TARBP1: variants seen among roughly 807,000 people sequenced by gnomAD.
TARBP1 encodes the protein tRNA guanosine 2 -O-methyltransferase TARBP1.
Under a neutral mutation model 178.6 loss-of-function variants are expected in TARBP1, and 144 were observed. The observed-to-expected ratio is 0.81, with a 90% CI of 0.70 to 0.93. TARBP1 has a LOEUF of 0.93. TARBP1 is among the 40% of genes least tolerant of loss of function. The pLI is 0.00. For missense variants in TARBP1, 2,067 were observed against 2,011.7 expected, an observed-to-expected ratio of 1.03 and a Z score of -0.53; for synonymous variants, 787 against 781.0, an observed-to-expected ratio of 1.01 and a Z score of -0.13.
Position 234,463,265 on chromosome 1 carries a change from A to G in TARBP1, c.1399+572T>C, listed in dbSNP as rs149661083. Among the ~76,000 whole-genome samples, 38 of 152,278 alleles carry G rather than the reference A, an allele frequency of 2.5e-4. 1 individual carries two copies. The East Asian group carries it at 6.4e-3, about 25-fold the overall frequency. On this transcript the variant is annotated intron_variant, in intron 6 of 29. Transcript: ENST00000040877. ...CAGCCTCCCAAGTAGCTGGGACTAC[A>G]GGTACACACCATCATGCCCGGATAA...
In TARBP1 at chr1:234,393,830, A is replaced by T; in HGVS notation, c.4251T>A (p.Asn1417Lys). The change falls in exon 27 of 30, where the codon AAT becomes AAA. Residue 1417 changes from asparagine to lysine, a missense_variant. Asn to Lys is a moderately conservative substitution (Grantham distance 94). Transcript: ENST00000040877. ...CCGCTTGGTTATCTGCTTCGACCAA[A>T]TTAGTACCTGGGAAGGAAAAAGAAA... ...GDWSQQDIGT[N>K]LVEADNQAEW... 6.2e-7 allele frequency: 1 copy of T among 1,603,238 alleles called. No homozygotes were observed. The highest frequency in any genetic ancestry group is 8.5e-7 in the Non-Finnish European group (1 of 1,173,134).
chr1:234,456,369 T>G (rs1392774088), intron 9 of TARBP1, among the ~76,000 whole-genome samples: 1 of 152,158 alleles, frequency 6.6e-6, no homozygotes, highest in African/African-American at 2.4e-5. Context: ...CCCCGATAAT[T>G]TTTGTACTTT....
chr1:234,410,284 C>T (rs1164506807), intron 23 of TARBP1, 161 bp downstream of exon 23: 9 of 496,272 alleles, frequency 1.8e-5, no homozygotes, highest in Non-Finnish European at 3.3e-5. Flanking sequence ...TTCCCATTTA[C>T]TGGGTATTTG....
chr1:234,471,762 G>A (rs1338970707), intron 2 of TARBP1, among the ~76,000 whole-genome samples: 1 of 152,124 alleles, frequency 6.6e-6, no homozygotes, highest in Admixed American at 6.5e-5. Flanking sequence ...AATAATGGGG[G>A]TTTTATGGAT....
chr1:234,407,187 G>A (rs548671362), intron 23 of TARBP1: 1 of 152,282 alleles, frequency 6.6e-6, no homozygotes, highest in South Asian at 2.1e-4. Context: ...CATAGCCCTT[G>A]TTACAGTCTT....
Position 234,419,789 on chromosome 1 carries a change from C to T in TARBP1, c.3555+913G>A, listed in dbSNP as rs571058896. Among the ~76,000 whole-genome samples the T allele has an allele frequency of 5.9e-5, 9 of 152,184 alleles. No homozygotes were observed. The South Asian group carries it at 1.7e-3, about 28-fold the overall frequency. ...AGCAACCTCCCCCACCCCCCACATCCATCAAAACTACTCCCCAGAAGCAAT... is the reference window on the plus strand; with the variant it reads ...AGCAACCTCCCCCACCCCCCACATCTATCAAAACTACTCCCCAGAAGCAAT... On this transcript the variant is annotated intron_variant, in intron 21 of 29. Coordinates refer to ENST00000040877, the MANE Select transcript of TARBP1 (RefSeq NM_005646.4).
rs60079444 is a variant in TARBP1, at chr1:234,467,576, A to T, written c.1174T>A (p.Ser392Thr). 0.066 allele frequency: 105,760 copies of T among 1,608,260 alleles called. 7,698 individuals are homozygous for T. The highest frequency in any genetic ancestry group is 0.32 in the East Asian group (14,150 of 44,318). ...RMFESENKIL[S>T]KEGVIHFLEL... ...AAAAAATGGATAACACCTTCTTTGG[A>T]CAGGATTTTGTTTTCACTTTCAAAC... The change falls in exon 4 of 30, where the codon TCC becomes ACC. Residue 392 changes from serine (S) to threonine (T), a missense_variant. Ser to Thr is a moderately conservative substitution (Grantham distance 58, BLOSUM62 1). Coordinates refer to ENST00000040877, the MANE Select transcript of TARBP1 (RefSeq NM_005646.4).
Position 234,478,538 on chromosome 1 carries a change from G to A in TARBP1, c.566C>T (p.Ala189Val). 6 of 1,362,386 alleles carry A rather than the reference G, an allele frequency of 4.4e-6. No individual in the cohort carries two copies. The South Asian group carries it at 4.7e-5, about 11-fold the overall frequency. 84.4% of individuals were successfully genotyped at this position (1,362,386 alleles called of 1,614,324 possible). ...DEAGPAEDAA[A>V]LVAGRLLPVL... ...TGGCAGCAGTCGCCCGGCCACCAGC[G>A]CCGCCGCGTCCTCGGCAGGCCCGGC... is the stretch of plus-strand genomic sequence containing the variant. Residue 189 changes from alanine (A) to valine (V), a missense_variant, in exon 1 of 30, where the codon GCG becomes GTG. Ala to Val is a moderately conservative substitution (Grantham distance 64). Transcript: ENST00000040877.
intron 3 of TARBP1, among the ~76,000 whole-genome samples, chr1:234,469,619 T>C (rs1188346466): frequency 3.3e-5 from 5 of 152,186 alleles, no homozygotes; most frequent in Admixed American, 2.6e-4. Context: ...TTATCTAGAG[T>C]AGGCACTAAA....
intron 11 of TARBP1, among the ~76,000 whole-genome samples, chr1:234,447,329 CAT>C (rs1217786685): frequency 1.5e-5 from 1 of 66,392 alleles, no homozygotes; most frequent in East Asian, 4.9e-4. Context: ...GGAACTAGAA[CAT>C]GTTTTTAAAA....
chr1:234,463,577 C>T (rs564110372), intron 6 of TARBP1, among the ~76,000 whole-genome samples: 20 of 152,224 alleles, frequency 1.3e-4, no homozygotes, highest in Middle Eastern at 3.4e-3. Context: ...CAATTAGAAA[C>T]GATGGCTAAA....
chr1:234,415,059 A>T (rs554019576), intron 22 of TARBP1, among the ~76,000 whole-genome samples: 1 of 152,164 alleles, frequency 6.6e-6, no homozygotes, highest in Non-Finnish European at 1.5e-5. Context: ...AGGAAGTCTG[A>T]TGATGAAATA....
At position 234,392,544 on chromosome 1, in the gene TARBP1, T is replaced by C. The variant is rs923266145; in HGVS notation, c.4569A>G (p.Pro1523=). ...EQWLPLVEVK[P]PQLIDYLQQK... is the part of the protein sequence containing the mutation. Reference sequence around the variant, plus strand: ...GCTGCAGATAATCAATTAGCTGAGGTGGTTTTACCTGAATATTAGTTTAAA... The same window carrying C: ...GCTGCAGATAATCAATTAGCTGAGGCGGTTTTACCTGAATATTAGTTTAAA... Residue 1523 remains proline, a synonymous_variant, in exon 29 of 30, where the codon CCA becomes CCG. Coordinates refer to ENST00000040877, the MANE Select transcript of TARBP1 (RefSeq NM_005646.4). 1.2e-6 allele frequency: 2 copies of C among 1,613,764 alleles called. No individual in the cohort carries two copies. Among genetic ancestry groups the C allele is most frequent in the Non-Finnish European group, 1.7e-6 (2 of 1,179,894 alleles).
intron 24 of TARBP1, 103 bp downstream of exon 24, chr1:234,405,800 T>A: frequency 9.0e-7 from 1 of 1,109,404 alleles, no homozygotes; most frequent in South Asian, 1.5e-5. Flanking sequence ...GACGGCAGCA[T>A]GAGGATGTGG....
In TARBP1 at chr1:234,478,309, G is replaced by T; in HGVS notation, c.795C>A (p.Phe265Leu). The T allele has an allele frequency of 6.7e-7, 1 of 1,496,760 alleles. No individual in the cohort carries two copies. Among genetic ancestry groups the T allele is most frequent in the Non-Finnish European group, 8.9e-7 (1 of 1,125,964 alleles). The allele number at this position is 1,496,760 out of a possible 1,614,324, so 92.7% of individuals were successfully genotyped here. A position where few individuals can be genotyped will look rare whatever the true frequency, so the allele number is the denominator to read the frequency against. ...AGPDARRCWR[F>L]WRTVQAGLGQ... Reference sequence around the variant, plus strand: ...CCAGCCCCGCCTGCACCGTCCTCCAGAAGCGCCAGCAGCGCCGGGCGTCCG... The same window carrying T: ...CCAGCCCCGCCTGCACCGTCCTCCATAAGCGCCAGCAGCGCCGGGCGTCCG... The change falls in exon 1 of 30, where the codon TTC becomes TTA. Residue 265 changes from phenylalanine to leucine, a missense_variant. Phe to Leu is a conservative substitution (Grantham distance 22, BLOSUM62 0). Coordinates refer to ENST00000040877, the MANE Select transcript of TARBP1 (RefSeq NM_005646.4).
intron 12 of TARBP1, among the ~76,000 whole-genome samples, chr1:234,445,180 C>T (rs930967616): frequency 3.3e-5 from 5 of 152,150 alleles, no homozygotes; most frequent in South Asian, 2.1e-4. Context: ...ACCCTCCTCC[C>T]GGAAACACGT....
chr1:234,439,470 G>A (rs987666735), intron 12 of TARBP1, among the ~76,000 whole-genome samples: 4 of 152,072 alleles, frequency 2.6e-5, no homozygotes, highest in African/African-American at 9.7e-5. Context: ...CACAAAAAAA[G>A]GCTGAATTTA....
chr1:234,396,067 ACTT>A (rs1181098166), intron 26 of TARBP1, among the ~76,000 whole-genome samples: 1 of 152,102 alleles, frequency 6.6e-6, no homozygotes, highest in African/African-American at 2.4e-5. Flanking sequence ...ATGAAGTAAA[ACTT>A]CTTTAAAAAA....
intron 22 of TARBP1, among the ~76,000 whole-genome samples, chr1:234,413,935 T>G (rs1402801186): frequency 6.6e-6 from 1 of 152,186 alleles, no homozygotes; most frequent in East Asian, 1.9e-4. Context: ...GGTTTCTGGT[T>G]TGTGCAACTG....
Sources: gnomAD v4.1 joint callset for allele counts (sites outside exome capture counted in the v4.1 genomes callset) on GRCh38, gnomAD v4.1.1 for gene constraint, MANE v1.5 for transcripts, NCBI Gene and HGNC (gene_info 2026-07-23, HGNC 2026-07-21) for gene names.